Variants in WDR19 observed in about 807,000 individuals in gnomAD.
WDR19 encodes the protein WD repeat domain 19, also known as WD repeat-containing protein 19.
A neutral mutation model predicts 180.0 loss-of-function variants in WDR19; 121 were observed. The observed-to-expected ratio is 0.67, with a 90% CI of 0.58 to 0.78. WDR19 has a LOEUF of 0.78. Ranked by LOEUF, WDR19 falls within the 30% of genes least tolerant of loss-of-function variation. WDR19 has a pLI of 0.00. For missense variants in WDR19, 1,450 were observed against 1,640.7 expected (o/e 0.88, Z 2.01); for synonymous variants, 497 against 540.7 (o/e 0.92, Z 1.12).
chr4:39,202,982 C>T (rs1343899331), intron 6 of WDR19, among the ~76,000 whole-genome samples: 1 of 152,038 alleles, frequency 6.6e-6, no homozygotes, highest in Non-Finnish European at 1.5e-5. Context: ...CTGGATCCTT[C>T]CATATTTTAT....
At chr4:39,258,078 G>A (rs1733933915) in intron 28 of WDR19, among the ~76,000 whole-genome samples, 2 of 151,860 alleles carry the variant, frequency 1.3e-5, no homozygotes, top group African/African-American at 2.4e-5. Flanking sequence ...AATCACACAT[G>A]TGTCCTCTTA....
At position 39,280,141 on chromosome 4, in the gene WDR19, T is replaced by TA. The variant is rs1553919794; in HGVS notation, c.*13+1480dup. On this transcript the variant is annotated intron_variant, in intron 36 of 36. Transcript: ENST00000399820. ...CTTGTTTTTTTTTTTTTTTTTTTTT[T>TA]AATAGAGGCAGGGTCTCGCCACATT... Among the ~76,000 whole-genome samples the TA allele has an allele frequency of 1.2e-4, 11 of 88,350 alleles. No individual in the cohort carries two copies. In the South Asian group the frequency reaches 1.6e-3, roughly 13 times the overall value. 58.0% of individuals were successfully genotyped at this position (88,350 alleles called of 152,430 possible).
rs1318384883 is a variant in WDR19, at chr4:39,269,958, T to C, written c.3359-18T>C. ...TGTCACCCTTTGCAGTAATGTCGTT[T>C]TACCACCTTTTTTCAAGGCAACTAC... On this transcript the variant is annotated intron_variant, in intron 30 of 36. Coordinates refer to ENST00000399820, the MANE Select transcript of WDR19 (RefSeq NM_025132.4). 2 of 1,613,032 alleles carry C rather than the reference T, an allele frequency of 1.2e-6. No homozygotes were observed. Among genetic ancestry groups the C allele is most frequent in the African/African-American group, 1.3e-5 (1 of 74,908 alleles).
intron 14 of WDR19, among the ~76,000 whole-genome samples, chr4:39,221,961 A>G (rs879698583): frequency 7.9e-5 from 12 of 152,340 alleles, no homozygotes; most frequent in Non-Finnish European, 1.3e-4. Flanking sequence ...GGTATTTACA[A>G]ATAAAGCCTC....
intron 3 of WDR19, among the ~76,000 whole-genome samples, chr4:39,188,567 T>A (rs1216196248): frequency 2.8e-5 from 4 of 143,006 alleles, no homozygotes; most frequent in Non-Finnish European, 6.0e-5. Context: ...TATAGCCAAG[T>A]ATAATCGCAC....
chr4:39,231,108 A>G (rs1394442652), intron 17 of WDR19, among the ~76,000 whole-genome samples: 1 of 151,986 alleles, frequency 6.6e-6, no homozygotes, highest in Non-Finnish European at 1.5e-5. Context: ...TCAGCAGATC[A>G]AGACCATCCT....
rs1735703304 is a variant in WDR19, at chr4:39,274,503, C to T, written c.3566-305C>T. On this transcript the variant is annotated intron_variant, in intron 32 of 36. Coordinates refer to ENST00000399820, the MANE Select transcript of WDR19 (RefSeq NM_025132.4). Reference sequence around the variant, plus strand: ...CTAATGCTTTTATCAGCAGTCCTGTCAGATGCAAAAAATATCTAAGAGGCA... The same window carrying T: ...CTAATGCTTTTATCAGCAGTCCTGTTAGATGCAAAAAATATCTAAGAGGCA... 9.5e-6 allele frequency: 3 copies of T among 315,470 alleles called. No individual in the cohort carries two copies. In the East Asian group the frequency reaches 1.7e-4, roughly 17 times the overall value. The allele number at this position is 315,470 out of a possible 1,614,324, so 19.5% of individuals were successfully genotyped here.
At chr4:39,234,731 C>T in intron 19 of WDR19, 35 bp from the exon 20 acceptor site, 1 of 1,426,916 alleles carries the variant, frequency 7.0e-7, no homozygotes, top group Non-Finnish European at 9.7e-7. Flanking sequence ...AATAATTTTG[C>T]TCATTTGAAA....
chr4:39,279,126 C>T (rs143565141), intron 36 of WDR19, among the ~76,000 whole-genome samples: 63 of 152,288 alleles, frequency 4.1e-4, no homozygotes, highest in South Asian at 4.2e-4. Context: ...AGCACTTACT[C>T]GTGGCCACAC....
intron 26 of WDR19, 43 bp from the exon 27 acceptor site, chr4:39,255,805 C>A: frequency 2.5e-6 from 3 of 1,191,708 alleles, no homozygotes; most frequent in Non-Finnish European, 3.4e-6. Flanking sequence ...AAAAGGTAAA[C>A]AAATTTTGCT....
At chr4:39,214,772 AATTT>A in intron 10 of WDR19, 101 bp downstream of exon 10, 3 of 696,096 alleles carry the variant, frequency 4.3e-6, no homozygotes, top group South Asian at 4.1e-5. Flanking sequence ...TAGGAGGAAT[AATTT>A]TTTTTTTTTT....
rs140031755 is a variant in WDR19 at position 39,278,712 on chromosome 4, G to A, written c.*13+49G>A. The A allele has an allele frequency of 6.3e-5, 72 of 1,145,892 alleles. No individual in the cohort carries two copies. The African/African-American group carries it at 7.7e-4, about 12-fold the overall frequency. The allele number at this position is 1,145,892 out of a possible 1,614,324, so 71.0% of individuals were successfully genotyped here. A position where few individuals can be genotyped will look rare whatever the true frequency, so the allele number is the denominator to read the frequency against. ...CCTTCTGGGCGCAAGGGCCCACAGC[G>A]TGCACGCAGCTTTTCACTGTGTATC... On this transcript the variant is annotated intron_variant, in intron 36 of 36. Transcript: ENST00000399820.
intron 28 of WDR19, among the ~76,000 whole-genome samples, chr4:39,257,948 C>T (rs1037168561): frequency 6.6e-6 from 1 of 151,560 alleles, no homozygotes. Flanking sequence ...AGAACATTTC[C>T]AGCTCCCAAA....
intron 24 of WDR19, among the ~76,000 whole-genome samples, chr4:39,251,117 G>C (rs1249762512): frequency 6.6e-6 from 1 of 152,042 alleles, no homozygotes; most frequent in Non-Finnish European, 1.5e-5. Context: ...TATACTACAA[G>C]GCTACAGTAA....
chr4:39,244,518 A>C lies in WDR19; in HGVS notation c.2611A>C (p.Lys871Gln), dbSNP rs781099499. 1.2e-6 allele frequency: 2 copies of C among 1,614,028 alleles called. No homozygotes were observed. Among genetic ancestry groups the C allele is most frequent in the South Asian group, 2.2e-5 (2 of 91,084 alleles). The change falls in exon 23 of 37, where the codon AAA becomes CAA. Residue 871 changes from lysine (K) to glutamine (Q), a missense_variant. Lys to Gln is a moderately conservative substitution (Grantham distance 53). Coordinates refer to ENST00000399820, the MANE Select transcript of WDR19 (RefSeq NM_025132.4). ...GTATGAAAAAGGTCTCTACTACGAT[A>C]AAGCAGCATCTGTTTACATCCGCTC... is the stretch of plus-strand genomic sequence containing the variant. ...QLYEKGLYYD[K>Q]AASVYIRSKN...
At chr4:39,240,717 C>T (rs919586981) in intron 21 of WDR19, among the ~76,000 whole-genome samples, 5 of 151,862 alleles carry the variant, frequency 3.3e-5, no homozygotes, top group African/African-American at 1.2e-4. Context: ...TTTGGGAGGC[C>T]AAGGTGGGCG....
intron 1 of WDR19, among the ~76,000 whole-genome samples, chr4:39,184,985 A>G (rs988955076): frequency 6.6e-6 from 1 of 152,208 alleles, no homozygotes; most frequent in East Asian, 1.9e-4. Flanking sequence ...TATATCAAAA[A>G]TGTTATTTCA....
intron 15 of WDR19, among the ~76,000 whole-genome samples, 179 bp downstream of exon 15, chr4:39,225,212 C>T (rs1274320687): frequency 6.6e-6 from 1 of 152,002 alleles, no homozygotes; most frequent in Non-Finnish European, 1.5e-5. Flanking sequence ...AAACTTTTTC[C>T]ATTATTCTGT....
rs200551356 is a variant in WDR19 at position 39,256,601 on chromosome 4, C to CA, written c.3114+649dup. On this transcript the variant is annotated intron_variant, in intron 27 of 36. Transcript: ENST00000399820. The stretch of plus-strand genomic sequence containing the variant: ...AATATTTATAGAATACCTCACTGGC[C>CA]AAAAAAAACATGTCTGTGTGTGAAT... 2.7e-3 allele frequency among the ~76,000 whole-genome samples: 406 copies of CA among 151,734 alleles called. 1 individual carries two copies. The highest frequency in any genetic ancestry group is 9.3e-3 in the African/African-American group (385 of 41,368).
Sources: allele counts gnomAD v4.1 joint callset (sites outside exome capture counted in the v4.1 genomes callset), GRCh38; gene constraint gnomAD v4.1.1; transcripts MANE v1.5; gene names NCBI Gene and HGNC (gene_info 2026-07-23, HGNC 2026-07-21).